Variants in DYNLT5 observed in about 807,000 individuals in gnomAD.
DYNLT5 encodes dynein light chain Tctex-type 5.
In DYNLT5, 25 loss-of-function variants were observed where a neutral mutation model predicts 19.3. The observed-to-expected ratio is 1.30, with a 90% CI of 0.95 to 1.81. DYNLT5 has a LOEUF of 1.81. Ranked by LOEUF, DYNLT5 falls within the 40% of genes most tolerant of loss-of-function variation. The pLI is 0.00. For missense variants in DYNLT5, 232 were observed against 217.9 expected (o/e 1.06, Z -0.41); for synonymous variants, 82 against 68.9 (o/e 1.19, Z -0.94).
chr1:66,768,205 G>C (rs1341116155), intron 2 of DYNLT5, among the ~76,000 whole-genome samples: 1 of 152,136 alleles, frequency 6.6e-6, no homozygotes, highest in Non-Finnish European at 1.5e-5. Context: ...TATTGACATG[G>C]AAAGTTATCC....
chr1:66,770,961 G>A (rs545286237), intron 3 of DYNLT5: 24 of 177,482 alleles, frequency 1.4e-4, no homozygotes, highest in South Asian at 1.0e-3. Context: ...TGCACCTGCC[G>A]CTATACTCCC....
intron 2 of DYNLT5, among the ~76,000 whole-genome samples, chr1:66,766,041 T>C (rs2094654361): frequency 6.6e-6 from 1 of 152,224 alleles, no homozygotes; most frequent in Non-Finnish European, 1.5e-5. Context: ...ATTAGTTAGT[T>C]TGTTAAGTGT....
At chr1:66,766,089 A>T (rs565778929) in intron 2 of DYNLT5, among the ~76,000 whole-genome samples, 1 of 152,322 alleles carries the variant, frequency 6.6e-6, no homozygotes, top group East Asian at 1.9e-4. Flanking sequence ...CTTTTATTAC[A>T]TTACTTTTCA....
chr1:66,758,641 G>A (rs963781863), intron 2 of DYNLT5, among the ~76,000 whole-genome samples: 1 of 152,100 alleles, frequency 6.6e-6, no homozygotes, highest in Admixed American at 6.6e-5. Flanking sequence ...CAATTACTGT[G>A]CCACATATTA....
intron 2 of DYNLT5, among the ~76,000 whole-genome samples, chr1:66,763,218 A>G (rs1382711116): frequency 1.3e-5 from 2 of 152,212 alleles, no homozygotes; most frequent in South Asian, 4.1e-4. Flanking sequence ...AGGTCTCAAC[A>G]GTGGGCTTAA....
chr1:66,760,281 G>A (rs2150861152), intron 2 of DYNLT5, among the ~76,000 whole-genome samples: 1 of 152,228 alleles, frequency 6.6e-6, no homozygotes, highest in South Asian at 2.1e-4. Flanking sequence ...AGAGACCATA[G>A]TTTGTTTTTG....
chr1:66,772,637 T>C (rs1255277553), intron 3 of DYNLT5, among the ~76,000 whole-genome samples: 2 of 152,232 alleles, frequency 1.3e-5, no homozygotes, highest in African/African-American at 4.8e-5. Context: ...ACCAGCACTA[T>C]TATGTTTAAT....
At chr1:66,773,027 C>T (rs1462541893) in intron 3 of DYNLT5, among the ~76,000 whole-genome samples, 1 of 152,106 alleles carries the variant, frequency 6.6e-6, no homozygotes, top group Non-Finnish European at 1.5e-5. Flanking sequence ...ATGTTTAAAT[C>T]TCTCCATTCA....
intron 3 of DYNLT5, chr1:66,775,381 C>T (rs997509786): frequency 1.3e-5 from 2 of 152,036 alleles, no homozygotes; most frequent in Admixed American, 6.5e-5. Flanking sequence ...CATGTAGCAA[C>T]GGCTTAATAA....
chr1:66,761,909 G>T (rs1206582920), intron 2 of DYNLT5, among the ~76,000 whole-genome samples: 1 of 152,190 alleles, frequency 6.6e-6, no homozygotes, highest in African/African-American at 2.4e-5. Flanking sequence ...TACCATGGTA[G>T]AACTTCTTTC....
intron 1 of DYNLT5, 115 bp downstream of exon 1, chr1:66,752,699 T>G: frequency 1.7e-6 from 1 of 593,832 alleles, no homozygotes. Context: ...CGCCACCTTA[T>G]TCCTCCTCTC....
chr1:66,774,369 G>T (rs1244752280), intron 3 of DYNLT5, among the ~76,000 whole-genome samples: 1 of 151,334 alleles, frequency 6.6e-6, no homozygotes, highest in African/African-American at 2.4e-5. Context: ...CCTAGGCTTG[G>T]GTTCGCAGGA....
chr1:66,763,487 A>G (rs903271798), intron 2 of DYNLT5, among the ~76,000 whole-genome samples: 6 of 152,208 alleles, frequency 3.9e-5, no homozygotes, highest in East Asian at 1.9e-4. Context: ...CTGAAATAAG[A>G]CTGTTTCATC....
At chr1:66,759,541 T>C (rs932219060) in intron 2 of DYNLT5, among the ~76,000 whole-genome samples, 15 of 152,162 alleles carry the variant, frequency 9.9e-5, no homozygotes, top group African/African-American at 3.6e-4. Context: ...ATTAACAACT[T>C]ATGCTAGGAA....
intron 3 of DYNLT5, 48 bp downstream of exon 3, chr1:66,770,526 A>G: frequency 7.4e-7 from 1 of 1,342,740 alleles, no homozygotes; most frequent in Non-Finnish European, 1.1e-6. Context: ...TAAATTGGTG[A>G]CTGATTCTCT....
intron 2 of DYNLT5, among the ~76,000 whole-genome samples, chr1:66,764,079 T>C (rs2094650415): frequency 6.6e-6 from 1 of 151,986 alleles, no homozygotes; most frequent in Non-Finnish European, 1.5e-5. Flanking sequence ...TCCTTGCTAC[T>C]TGGGAGACTG....
chr1:66,761,088 G>A (rs1409729634), intron 2 of DYNLT5, among the ~76,000 whole-genome samples: 3 of 151,960 alleles, frequency 2.0e-5, no homozygotes, highest in Admixed American at 6.6e-5. Flanking sequence ...TTCCATTATA[G>A]CCTTTCTCTT....
rs751086811 is a variant in DYNLT5, at chr1:66,754,731, A to G, written c.73A>G (p.Ser25Gly). The change falls in exon 2 of 5, where the codon AGT (serine) becomes GGT (glycine). Residue 25 changes from serine to glycine, a missense_variant. Physicochemically the swap from Ser to Gly is moderately conservative, Grantham distance 56. Coordinates refer to ENST00000282670, the MANE Select transcript of DYNLT5 (RefSeq NM_152665.3). ...GAAAAGAGGGAGTATTTCTTCTCTA[A>G]GTAATCATGAATTTTGGCGAAAGGA... ...WKKRGSISSL[S>G]NHEFWRKEIH... 4 of 1,613,304 alleles carry G rather than the reference A, an allele frequency of 2.5e-6. No individual in the cohort carries two copies. The highest frequency in any genetic ancestry group is 2.2e-5 in the East Asian group (1 of 44,796).
chr1:66,757,577 T>C (rs1303175638), intron 2 of DYNLT5, among the ~76,000 whole-genome samples: 1 of 152,154 alleles, frequency 6.6e-6, no homozygotes, highest in African/African-American at 2.4e-5. Context: ...TACACAGTGG[T>C]CATCATACTC....
Sources: gnomAD v4.1 joint callset for allele counts (sites outside exome capture counted in the v4.1 genomes callset) on GRCh38, gnomAD v4.1.1 for gene constraint, MANE v1.5 for transcripts, NCBI Gene and HGNC (gene_info 2026-07-23, HGNC 2026-07-21) for gene names.